Variants in CFAP95 observed in about 807,000 individuals in gnomAD.
CFAP95 encodes the protein cilia and flagella associated protein 95, also known as cilia- and flagella-associated protein 95.
chr9:69,828,519 A>G, the CFAP95 span, among the ~76,000 whole-genome samples: 2 of 152,068 alleles, frequency 1.3e-5, no homozygotes, highest in African/African-American at 4.8e-5. Flanking sequence ...ATCTCTACCA[A>G]AAAACCACCA....
At chr9:69,886,485 C>G in the CFAP95 span, among the ~76,000 whole-genome samples, 1 of 152,108 alleles carries the variant, frequency 6.6e-6, no homozygotes, top group African/African-American at 2.4e-5. Context: ...CTTGATAAGT[C>G]CTTAGCTAAG....
chr9:69,845,426 T>C, the CFAP95 span, among the ~76,000 whole-genome samples: 1 of 152,040 alleles, frequency 6.6e-6, no homozygotes, highest in African/African-American at 2.4e-5. Context: ...GATGAAAAGA[T>C]TGGGTTTGTG....
chr9:69,892,395 A>C, the CFAP95 span, among the ~76,000 whole-genome samples: 9 of 152,180 alleles, frequency 5.9e-5, no homozygotes. Context: ...CCAGATGCAG[A>C]TGCATCTTCG....
At chr9:69,842,297 G>C in the CFAP95 span, among the ~76,000 whole-genome samples, 2,025 of 152,258 alleles carry the variant, frequency 0.013, 48 homozygotes, top group African/African-American at 0.047. Context: ...AGGGGAAGGA[G>C]AGTGTTTCTG....
chr9:69,823,634 T>A, the CFAP95 span, among the ~76,000 whole-genome samples: 1 of 152,200 alleles, frequency 6.6e-6, no homozygotes, highest in South Asian at 2.1e-4. Context: ...CTCACGTGCA[T>A]TTGAAGAGAC....
chr9:69,841,814 C>A, the CFAP95 span, among the ~76,000 whole-genome samples: 1 of 152,084 alleles, frequency 6.6e-6, no homozygotes, highest in Non-Finnish European at 1.5e-5. Flanking sequence ...CTTTATAAAA[C>A]CATCAGATCT....
chr9:69,895,000 GAAA>G, the CFAP95 span, among the ~76,000 whole-genome samples: 3 of 128,940 alleles, frequency 2.3e-5, no homozygotes, highest in South Asian at 2.5e-4. Context: ...CAAAAAAAAA[GAAA>G]AAAAAAAAAA....
At chr9:69,828,542 G>C in the CFAP95 span, among the ~76,000 whole-genome samples, 1 of 152,140 alleles carries the variant, frequency 6.6e-6, no homozygotes, top group Non-Finnish European at 1.5e-5. Context: ...AATTAGCCGG[G>C]TGTGGTGGCA....
At chr9:69,884,360 T>C in the CFAP95 span, 96,593 of 152,098 alleles carry the variant, frequency 0.64, 31,001 homozygotes, top group East Asian at 0.82. Flanking sequence ...AACTCCTGGC[T>C]TTAAGAGATC....
chr9:69,901,283 G>C, the CFAP95 span, among the ~76,000 whole-genome samples: 1 of 151,870 alleles, frequency 6.6e-6, no homozygotes, highest in Non-Finnish European at 1.5e-5. Context: ...GAATACAGGT[G>C]CCCGCCACTA....
chr9:69,896,846 A>G, the CFAP95 span, among the ~76,000 whole-genome samples: 1 of 152,110 alleles, frequency 6.6e-6, no homozygotes, highest in Non-Finnish European at 1.5e-5. Context: ...CTATGATTGC[A>G]CCACTGCACT....
the CFAP95 span, among the ~76,000 whole-genome samples, chr9:69,898,111 C>T: frequency 1.3e-5 from 2 of 149,080 alleles, no homozygotes; most frequent in Non-Finnish European, 3.0e-5. Flanking sequence ...CTCCCCCAAC[C>T]CTTCACTGAA....
chr9:69,900,228 T>C, the CFAP95 span, among the ~76,000 whole-genome samples: 1 of 152,078 alleles, frequency 6.6e-6, no homozygotes, highest in African/African-American at 2.4e-5. Flanking sequence ...TACACCATAC[T>C]CTTTTCTCCC....
chr9:69,898,462 G>A, the CFAP95 span, among the ~76,000 whole-genome samples: 588 of 152,208 alleles, frequency 3.9e-3, 3 homozygotes, highest in African/African-American at 0.013. Context: ...GTATAATTTC[G>A]AACTTACAGG....
chr9:69,893,145 CA>C, the CFAP95 span, among the ~76,000 whole-genome samples: 1 of 152,166 alleles, frequency 6.6e-6, no homozygotes, highest in Admixed American at 6.5e-5. Context: ...GGGTCATGGG[CA>C]ACCCCTAGGC....
At chr9:69,853,731 G>C in the CFAP95 span, among the ~76,000 whole-genome samples, 4 of 152,180 alleles carry the variant, frequency 2.6e-5, no homozygotes, top group South Asian at 4.1e-4. Flanking sequence ...AACAGAGGCT[G>C]TTCATATAGG....
the CFAP95 span, among the ~76,000 whole-genome samples, chr9:69,832,538 T>C: frequency 2.6e-5 from 4 of 151,400 alleles, no homozygotes; most frequent in Admixed American, 1.3e-4. Flanking sequence ...GAATTTTTTT[T>C]CCCTACTAGT....
At chr9:69,893,689 C>T in the CFAP95 span, among the ~76,000 whole-genome samples, 3 of 151,982 alleles carry the variant, frequency 2.0e-5, no homozygotes, top group African/African-American at 2.4e-5. Flanking sequence ...AGTATAAAAG[C>T]CTTGTATTCT....
At chr9:69,862,800 C>T in the CFAP95 span, among the ~76,000 whole-genome samples, 1 of 152,168 alleles carries the variant, frequency 6.6e-6, no homozygotes, top group South Asian at 2.1e-4. Context: ...TTTCTCATAA[C>T]TCAACCTGTA....
Sources: allele counts gnomAD v4.1 joint callset (sites outside exome capture counted in the v4.1 genomes callset), GRCh38; gene constraint gnomAD v4.1.1; transcripts MANE v1.5; gene names NCBI Gene and HGNC (gene_info 2026-07-23, HGNC 2026-07-21).